Variants in PHIP observed in about 807,000 individuals in gnomAD.
The protein encoded by PHIP is PH-interacting protein.
A neutral mutation model predicts 236.8 loss-of-function variants in PHIP; 54 were observed. The observed-to-expected ratio is 0.23, with a 90% CI of 0.18 to 0.29. The LOEUF is 0.29. Among genes scored for constraint, PHIP ranks in the 10% least tolerant of loss-of-function variants. The probability of loss-of-function intolerance (pLI) is 1.00; values close to 1 mark genes in which losing one functional copy is unlikely to be tolerated. For missense variants in PHIP, 1,370 were observed against 2,190.8 expected (o/e 0.63, Z 7.48); for synonymous variants, 756 against 718.9 (o/e 1.05, Z -0.83).
chr6:78,954,392 C>G (rs1465002203), intron 35 of PHIP, among the ~76,000 whole-genome samples: 1 of 152,196 alleles, frequency 6.6e-6, no homozygotes, highest in Non-Finnish European at 1.5e-5. Context: ...TGGCATGAGC[C>G]ACCGTGCCCA....
rs149365393 is a variant in PHIP, at chr6:78,988,735, GTT to G, written c.2320-388_2320-387del. 3.4e-3 allele frequency among the ~76,000 whole-genome samples: 501 copies of G among 146,858 alleles called. 3 individuals carry two copies. The highest frequency in any genetic ancestry group is 0.01 in the African/African-American group (417 of 40,324). On this transcript the variant is annotated intron_variant, in intron 20 of 39. Transcript: ENST00000275034. ...CTGATTGATTAGTTACAAAAATGCT[GTT>G]TTTTTTTTTTCTAATTAATGACAGA... is the stretch of plus-strand genomic sequence containing the variant.
At chr6:79,004,381 T>C in intron 15 of PHIP, 3 of 984,304 alleles carry the variant, frequency 3.0e-6, no homozygotes, top group Non-Finnish European at 3.6e-6. Flanking sequence ...ACCTGATAAT[T>C]GTTTTCTGTT....
chr6:79,017,642 T>A, intron 10 of PHIP, 59 bp from the exon 11 acceptor site: 1 of 1,254,002 alleles, frequency 8.0e-7, no homozygotes, highest in Non-Finnish European at 1.2e-6. Context: ...TCTCTGAAAA[T>A]TAGATAATAA....
intron 24 of PHIP, among the ~76,000 whole-genome samples, chr6:78,975,476 C>A (rs991679580): frequency 6.6e-6 from 1 of 152,184 alleles, no homozygotes. Context: ...GACAGGGATG[C>A]TCTCTCTCAC....
At chr6:78,946,605 A>G in intron 37 of PHIP, 106 bp downstream of exon 37, 1 of 1,435,208 alleles carries the variant, frequency 7.0e-7, no homozygotes, top group African/African-American at 1.5e-5. Flanking sequence ...TCAAATTATC[A>G]TTCTGCAATA....
intron 32 of PHIP, 39 bp from the exon 33 acceptor site, chr6:78,955,721 CATG>C (rs774557591): frequency 1.0e-5 from 7 of 691,082 alleles, no homozygotes; most frequent in Middle Eastern, 2.5e-4. Flanking sequence ...AGATTAGAAC[CATG>C]ATAATTTTTT....
intron 4 of PHIP, among the ~76,000 whole-genome samples, chr6:79,075,204 A>G (rs1774088596): frequency 6.6e-6 from 1 of 152,170 alleles, no homozygotes; most frequent in African/African-American, 2.4e-5. Flanking sequence ...AAATGTTTTT[A>G]GACCTAACTA....
At chr6:79,067,047 C>G (rs1773658665) in intron 4 of PHIP, among the ~76,000 whole-genome samples, 1 of 152,066 alleles carries the variant, frequency 6.6e-6, no homozygotes, top group Non-Finnish European at 1.5e-5. Flanking sequence ...TTACATCACA[C>G]CTAATTTTTA....
At chr6:78,946,417 G>A in intron 37 of PHIP, 157 bp from the exon 38 acceptor site, 10 of 1,401,316 alleles carry the variant, frequency 7.1e-6, no homozygotes, top group Non-Finnish European at 8.4e-6. Context: ...CTTTGAAAGT[G>A]AATATTTAGT....
chr6:79,059,709 G>A (rs951337818), intron 6 of PHIP, among the ~76,000 whole-genome samples: 2 of 150,132 alleles, frequency 1.3e-5, no homozygotes, highest in African/African-American at 4.9e-5. Context: ...ATTTGAACAG[G>A]TGGAAGAAAG....
intron 4 of PHIP, among the ~76,000 whole-genome samples, chr6:79,062,493 C>G (rs980027018): frequency 4.6e-5 from 7 of 152,030 alleles, no homozygotes; most frequent in Admixed American, 2.6e-4. Flanking sequence ...TTTAATGTGA[C>G]TTAATTGATC....
At chr6:78,970,536 T>G (rs1476272843) in intron 25 of PHIP, among the ~76,000 whole-genome samples, 2 of 152,200 alleles carry the variant, frequency 1.3e-5, no homozygotes, top group East Asian at 3.8e-4. Context: ...ACTTATTACC[T>G]AATTTTCACT....
At chr6:79,003,294 A>T (rs951017878) in intron 16 of PHIP, among the ~76,000 whole-genome samples, 3 of 152,100 alleles carry the variant, frequency 2.0e-5, no homozygotes, top group African/African-American at 7.2e-5. Flanking sequence ...AATAAAAAAC[A>T]TTAACTACAA....
Position 78,954,871 on chromosome 6 carries a change from T to C in PHIP, c.3996A>G (p.Ile1332Met), listed in dbSNP as rs1357644766. Reference protein sequence around the residue: ...KKQCEELLNLIFQCEDSEPFR... With the variant: ...KKQCEELLNLMFQCEDSEPFR... ...AAGGCTCTGAATCTTCACATTGAAA[T>C]ATGAGATTTAACAATTCTTCACACT... Residue 1332 changes from isoleucine (I) to methionine (M), a missense_variant, in exon 35 of 40, where the codon ATA becomes ATG. By Grantham distance (10) the Ile-to-Met change is conservative (BLOSUM62 1). Coordinates refer to ENST00000275034, the MANE Select transcript of PHIP (RefSeq NM_017934.7). 3 of 1,585,780 alleles carry C rather than the reference T, an allele frequency of 1.9e-6. No individual in the cohort carries two copies. Among genetic ancestry groups the C allele is most frequent in the East Asian group, 2.3e-5 (1 of 43,892 alleles).
At chr6:79,042,813 A>C in intron 7 of PHIP, 30 bp downstream of exon 7, 1 of 1,483,052 alleles carries the variant, frequency 6.7e-7, no homozygotes, top group South Asian at 1.3e-5. Flanking sequence ...TACATATATG[A>C]ATATAAATAA....
intron 7 of PHIP, among the ~76,000 whole-genome samples, chr6:79,027,807 G>T (rs763571339): frequency 1.3e-5 from 2 of 152,094 alleles, no homozygotes; most frequent in Non-Finnish European, 2.9e-5. Context: ...CGCAAGAAGA[G>T]GCAATGTAAT....
rs537937598 is a variant in PHIP at position 78,938,499 on chromosome 6, A to G, written c.*2194T>C. 1.3e-5 allele frequency: 2 copies of G among 151,624 alleles called. No individual in the cohort carries two copies. Among genetic ancestry groups the G allele is most frequent in the Non-Finnish European group, 3.0e-5 (2 of 67,586 alleles). 9.4% of individuals were successfully genotyped at this position (151,624 alleles called of 1,614,324 possible). On this transcript the variant is annotated 3_prime_UTR_variant, in exon 40 of 40. Transcript: ENST00000275034. ...TTTTTTTCTTAACACAATGCAGATA[A>G]CATCAGGAAATTACATATTTCAAAT...
chr6:79,029,233 T>C (rs1395828351), intron 7 of PHIP, among the ~76,000 whole-genome samples: 3 of 152,286 alleles, frequency 2.0e-5, no homozygotes, highest in Admixed American at 1.3e-4. Context: ...CCACAGAAGT[T>C]TGCTGCCCCT....
chr6:79,034,812 G>A (rs1296743289), intron 7 of PHIP, among the ~76,000 whole-genome samples: 2 of 152,136 alleles, frequency 1.3e-5, no homozygotes, highest in African/African-American at 4.8e-5. Context: ...AAATGACAAG[G>A]AATGGTTGAA....
Sources: gnomAD v4.1 joint callset for allele counts (sites outside exome capture counted in the v4.1 genomes callset) on GRCh38, gnomAD v4.1.1 for gene constraint, MANE v1.5 for transcripts, NCBI Gene and HGNC (gene_info 2026-07-23, HGNC 2026-07-21) for gene names.